The following CUL9 variants were observed in gnomAD, a reference collection of about 807,000 sequenced individuals.
The protein encoded by CUL9 is cullin 9, also known as cullin-9.
In CUL9, 79 loss-of-function variants were observed where a neutral mutation model predicts 272.6. The ratio of observed to expected loss-of-function variants is 0.29; its 90% CI spans 0.24 to 0.35. The LOEUF (loss-of-function observed/expected upper bound fraction) is 0.35, where lower values mean the gene tolerates loss of function less well. Ranked by LOEUF, CUL9 falls within the 10% of genes least tolerant of loss-of-function variation. The probability of loss-of-function intolerance (pLI) is 1.00; values close to 1 mark genes in which losing one functional copy is unlikely to be tolerated. For missense variants in CUL9, 2,532 were observed against 3,255.6 expected (o/e 0.78, Z 5.41); for synonymous variants, 1,186 against 1,286.5 (o/e 0.92, Z 1.67).
rs760286461 is a variant in CUL9, at chr6:43,188,503, C to A, written c.1988-20C>A. 1 of 1,571,540 alleles carries A rather than the reference C, an allele frequency of 6.4e-7. No homozygotes were observed. On this transcript the variant is annotated intron_variant, in intron 7 of 40. Coordinates refer to ENST00000252050, the MANE Select transcript of CUL9 (RefSeq NM_015089.4). ...GGTGCCACAGTTCTTTTAGCCATTG[C>A]CTTTTCCCACCAATTTCAGAAATGG...
intron 26 of CUL9, among the ~76,000 whole-genome samples, chr6:43,211,735 A>G (rs757581190): frequency 2.6e-5 from 4 of 152,128 alleles, no homozygotes; most frequent in African/African-American, 7.2e-5. Context: ...CTCATGGCCA[A>G]TCTTGCTTCA....
intron 8 of CUL9, among the ~76,000 whole-genome samples, chr6:43,190,980 A>G (rs1773409053): frequency 6.6e-6 from 1 of 151,820 alleles, no homozygotes; most frequent in Non-Finnish European, 1.5e-5. Flanking sequence ...AATTTTGTGT[A>G]TAGTGTTTTT....
At position 43,193,219 on chromosome 6, in the gene CUL9, T is replaced by G. The variant is rs1264946769; in HGVS notation, c.2388+11T>G. On this transcript the variant is annotated intron_variant, in intron 9 of 40. Coordinates refer to ENST00000252050, the MANE Select transcript of CUL9 (RefSeq NM_015089.4). The stretch of plus-strand genomic sequence containing the variant: ...CAGGCTGGGCTGGCGGTGAGTACAT[T>G]GGGCCTGGCGGGAGAGAACAATGGG... 6.2e-7 allele frequency: 1 copy of G among 1,612,804 alleles called. No individual in the cohort carries two copies. Among genetic ancestry groups the G allele is most frequent in the Non-Finnish European group, 8.5e-7 (1 of 1,179,034 alleles).
chr6:43,205,906 G>A (rs886133184), intron 24 of CUL9, 101 bp from the exon 25 acceptor site: 1 of 951,654 alleles, frequency 1.1e-6, no homozygotes, highest in Admixed American at 2.1e-5. Context: ...GGTAGGGTAT[G>A]TGACTCAGGC....
chr6:43,203,831 C>A lies in CUL9; in HGVS notation c.4026-23C>A. On this transcript the variant is annotated intron_variant, in intron 19 of 40. Transcript: ENST00000252050. This position sits in a 1 kb window ranked among gnomAD's most constrained non-coding sequence, Gnocchi z 5.0. ...TGGGAAATCGGTGCCATTAATCCTC[C>A]GCCATGCACTGTTTGTTCCCAGACT... The A allele has an allele frequency of 6.3e-7, 1 of 1,579,036 alleles. No individual in the cohort carries two copies. Among genetic ancestry groups the A allele is most frequent in the East Asian group, 2.3e-5 (1 of 44,292 alleles).
chr6:43,190,757 T>C (rs1446339417), intron 8 of CUL9, among the ~76,000 whole-genome samples: 1 of 152,252 alleles, frequency 6.6e-6, no homozygotes, highest in Non-Finnish European at 1.5e-5. Flanking sequence ...AAAACAGAAC[T>C]TTCCCAGAAG....
At chr6:43,201,319 A>G (rs2150574887) in intron 16 of CUL9, among the ~76,000 whole-genome samples, 1 of 152,238 alleles carries the variant, frequency 6.6e-6, no homozygotes, top group African/African-American at 2.4e-5. Context: ...GGAGGGGGTG[A>G]CTGAGCTGGG....
Position 43,223,511 on chromosome 6 carries a change from G to C in CUL9, c.7284+114G>C, listed in dbSNP as rs551249719. 1.2e-5 allele frequency: 17 copies of C among 1,393,540 alleles called. 1 individual carries two copies. The South Asian group carries it at 2.3e-4, about 19-fold the overall frequency. 86.3% of individuals were successfully genotyped at this position (1,393,540 alleles called of 1,614,324 possible). A position where few individuals can be genotyped will look rare whatever the true frequency, so the allele number is the denominator to read the frequency against. On this transcript the variant is annotated intron_variant, in intron 39 of 40. Coordinates refer to ENST00000252050, the MANE Select transcript of CUL9 (RefSeq NM_015089.4). The surrounding 1 kb of genome is among the most constrained non-coding windows in gnomAD (Gnocchi z 4.1). ...TCCAGAAGGAAAGGCAGCAAAGCGGGTGAATGGATGTTAGACCTGGGCGCA... is the reference window on the plus strand; with the variant it reads ...TCCAGAAGGAAAGGCAGCAAAGCGGCTGAATGGATGTTAGACCTGGGCGCA...
intron 17 of CUL9, 124 bp from the exon 18 acceptor site, chr6:43,202,985 A>T: frequency 8.2e-7 from 1 of 1,225,968 alleles, no homozygotes; most frequent in Non-Finnish European, 1.2e-6. Flanking sequence ...AGCCACGTCC[A>T]TCCCTAGGCT....
rs77232135 is a variant in CUL9, at chr6:43,196,566, C to T, written c.2586-79C>T. The T allele has an allele frequency of 6.3e-3, 8,223 of 1,300,366 alleles. 345 individuals are homozygous for T. In the African/African-American group the frequency reaches 0.098, roughly 15 times the overall value. The allele number at this position is 1,300,366 out of a possible 1,614,324, so 80.6% of individuals were successfully genotyped here. On this transcript the variant is annotated intron_variant, in intron 10 of 40. Coordinates refer to ENST00000252050, the MANE Select transcript of CUL9 (RefSeq NM_015089.4). Reference sequence around the variant, plus strand: ...TGGAGCCCTTTGCTCCCTAGCTGCCCGGCCTTCTATGCTTGCTTTGCTGCT... The same window carrying T: ...TGGAGCCCTTTGCTCCCTAGCTGCCTGGCCTTCTATGCTTGCTTTGCTGCT...
In CUL9 at chr6:43,220,684, G is replaced by T. The variant is rs1208380965; in HGVS notation, c.6424-63G>T. 3 of 1,603,822 alleles carry T rather than the reference G, an allele frequency of 1.9e-6. No homozygotes were observed. The highest frequency in any genetic ancestry group is 2.6e-6 in the Non-Finnish European group (3 of 1,174,024). ...GTGGGCTGAGCTATGGGGTGCTGGG[G>T]GCCTGGAGGTGTGGCATCCTGGAGA... On this transcript the variant is annotated intron_variant, in intron 32 of 40. Coordinates refer to ENST00000252050, the MANE Select transcript of CUL9 (RefSeq NM_015089.4). This position sits in a 1 kb window ranked among gnomAD's most constrained non-coding sequence, Gnocchi z 4.9.
chr6:43,195,913 T>C (rs897393654), intron 9 of CUL9, among the ~76,000 whole-genome samples, 156 bp from the exon 10 acceptor site: 4 of 152,158 alleles, frequency 2.6e-5, no homozygotes, highest in Admixed American at 6.5e-5. Flanking sequence ...CTTTGTAGTA[T>C]TTGATGTCCC....
chr6:43,204,204 C>T, intron 20 of CUL9, 156 bp from the exon 21 acceptor site: 1 of 1,082,258 alleles, frequency 9.2e-7, no homozygotes, highest in Non-Finnish European at 1.3e-6. Context: ...TAACATTTCC[C>T]CTGACTCCAG....
chr6:43,188,624 C>T lies in CUL9; in HGVS notation c.2089C>T (p.Leu697=). ...GCAGATATCCAGCTTGGACACAAAC[C>T]TGCAGCTTTCAGGGCTCTCTGCCCT... ...TVQISSLDTN[L]QLSGLSALSQ... is the part of the protein sequence containing the mutation. Residue 697 remains leucine (L), a synonymous_variant, in exon 8 of 41, where the codon CTG becomes TTG. Coordinates refer to ENST00000252050, the MANE Select transcript of CUL9 (RefSeq NM_015089.4). The T allele has an allele frequency of 6.2e-7, 1 of 1,614,226 alleles. No homozygotes were observed. The highest frequency in any genetic ancestry group is 1.1e-5 in the South Asian group (1 of 91,084).
In CUL9 at chr6:43,204,369, G is replaced by T. The variant is rs1349207359; in HGVS notation, c.4169G>T (p.Gly1390Val). 1.2e-6 allele frequency: 2 copies of T among 1,613,908 alleles called. No homozygotes were observed. The highest frequency in any genetic ancestry group is 1.1e-5 in the South Asian group (1 of 91,080). Residue 1390 changes from glycine (G) to valine (V), a missense_variant, in exon 21 of 41, where the codon GGC becomes GTC. By Grantham distance (109) the Gly-to-Val change is moderately radical. This residue lies in a region of CUL9 where 2,218 missense variants were observed against 2,788.6 expected (regional missense o/e 0.80). Coordinates refer to ENST00000252050, the MANE Select transcript of CUL9 (RefSeq NM_015089.4). Reference sequence around the variant, plus strand: ...ACCTGTCTTCTTTCAGATGCGGAAGGCGTGAGTGCCCTGGGATGGCTGCTG... The same window carrying T: ...ACCTGTCTTCTTTCAGATGCGGAAGTCGTGAGTGCCCTGGGATGGCTGCTG... Reference protein sequence around the residue: ...VQNITSPDAEGVSALGWLLDQ... With the variant: ...VQNITSPDAEVVSALGWLLDQ...
In CUL9 at chr6:43,221,498, G is replaced by GT. The variant is rs1158604786; in HGVS notation, c.6752+178dup. 10 of 893,394 alleles carry GT rather than the reference G, an allele frequency of 1.1e-5. No homozygotes were observed. The highest frequency in any genetic ancestry group is 1.7e-5 in the Non-Finnish European group (10 of 596,824). The allele number at this position is 893,394 out of a possible 1,614,324, so 55.3% of individuals were successfully genotyped here. ...GATCTTAATGTTCCTTCTCCCACTCGTAAGTCCACACTGACTGGGGGAGTT... is the reference window on the plus strand; with the variant it reads ...GATCTTAATGTTCCTTCTCCCACTCGTTAAGTCCACACTGACTGGGGGAGTT... On this transcript the variant is annotated intron_variant, in intron 34 of 40. Transcript: ENST00000252050. This position sits in a 1 kb window ranked among gnomAD's most constrained non-coding sequence, Gnocchi z 4.2.
At chr6:43,215,044 A>G (rs1582414928) in intron 29 of CUL9, 35 bp from the exon 30 acceptor site, 6 of 1,557,476 alleles carry the variant, frequency 3.9e-6, no homozygotes, top group African/African-American at 1.4e-5. Context: ...CTCCCTACAT[A>G]AAAGTGGACT....
Position 43,224,065 on chromosome 6 carries a change from C to T in CUL9, c.7285-30C>T, listed in dbSNP as rs1776606566. ...TCCAAAGGCCCCATGCCCTCTACCT[C>T]CTTCTCAAATCCTTCTGTCTGCTCA... On this transcript the variant is annotated intron_variant, in intron 39 of 40. Coordinates refer to ENST00000252050, the MANE Select transcript of CUL9 (RefSeq NM_015089.4). The surrounding 1 kb of genome is among the most constrained non-coding windows in gnomAD (Gnocchi z 4.2). 2 of 1,611,262 alleles carry T rather than the reference C, an allele frequency of 1.2e-6. No individual in the cohort carries two copies. Among genetic ancestry groups the T allele is most frequent in the South Asian group, 2.2e-5 (2 of 91,012 alleles).
chr6:43,191,285 T>TGTGTGTGTGC, intron 8 of CUL9, among the ~76,000 whole-genome samples: 1 of 148,550 alleles, frequency 6.7e-6, no homozygotes, highest in African/African-American at 2.5e-5. Flanking sequence ...TGTGTGTGTG[T>TGTGTGTGTGC]GTGTGTGCGT....
Sources: gnomAD v4.1 joint callset for allele counts (sites outside exome capture counted in the v4.1 genomes callset) on GRCh38, gnomAD v4.1.1 for gene constraint, gnomAD v4.1.1 regional missense constraint, Gnocchi (gnomAD v3.1) non-coding constraint, MANE v1.5 for transcripts, NCBI Gene and HGNC (gene_info 2026-07-23, HGNC 2026-07-21) for gene names.